Variants in HRG observed in about 807,000 individuals in gnomAD.
HRG encodes the protein histidine-rich glycoprotein.
In HRG, 26 loss-of-function variants were observed where a neutral mutation model predicts 29.5. That is an observed-to-expected ratio of 0.88 (90% CI 0.65 to 1.22). The LOEUF is 1.22. Ranked by LOEUF, HRG falls within the 50% of genes most tolerant of loss-of-function variation. The probability of loss-of-function intolerance (pLI) is 0.00; values close to 1 mark genes in which losing one functional copy is unlikely to be tolerated. For synonymous variants in HRG, 243 were observed against 240.4 expected, an observed-to-expected ratio of 1.01 and a Z score of -0.10; for missense variants, 671 against 654.5, an observed-to-expected ratio of 1.03 and a Z score of -0.28.
At chr3:186,667,604 G>A (rs1579072615) in intron 1 of HRG, among the ~76,000 whole-genome samples, 1 of 152,034 alleles carries the variant, frequency 6.6e-6, no homozygotes, top group East Asian at 1.9e-4. Flanking sequence ...AAGACTGGAT[G>A]GGAGGAGGCT....
chr3:186,668,183 G>A (rs1028212599), intron 1 of HRG, among the ~76,000 whole-genome samples: 3 of 152,188 alleles, frequency 2.0e-5, no homozygotes, highest in African/African-American at 7.2e-5. Context: ...CATAGAGAGC[G>A]GGTGGATGGG....
Position 186,675,183 on chromosome 3 carries a change from A to G in HRG, c.734A>G (p.Asp245Gly), listed in dbSNP as rs780513959. 6.2e-7 allele frequency: 1 copy of G among 1,610,690 alleles called. No homozygotes were observed. Among genetic ancestry groups the G allele is most frequent in the East Asian group, 2.2e-5 (1 of 44,844 alleles). Reference sequence around the variant, plus strand: ...CTTGTCATAAACTGTGAAGTCTTCGACCCTCAGGTGGGTTGTCTAAGCAGA... The same window carrying G: ...CTTGTCATAAACTGTGAAGTCTTCGGCCCTCAGGTGGGTTGTCTAAGCAGA... ...KNLVINCEVF[D>G]PQEHENINGV... is the part of the protein sequence containing the mutation. Residue 245 changes from aspartate to glycine, a missense_variant, in exon 6 of 7, where the codon GAC becomes GGC. Transcript: ENST00000232003.
chr3:186,666,153 G>A lies in HRG; in HGVS notation c.122G>A (p.Arg41Lys). Residue 41 changes from arginine to lysine, a missense_variant, in exon 1 of 7, where the codon AGG (arginine) becomes AAG (lysine). Transcript: ENST00000232003. ...AEKALDLINK[R>K]RRDGYLFQLL... ...AAAGCTCTAGACCTGATCAATAAAA[G>A]GCGACGGGATGGCTACCTTTTCCAA... is the stretch of plus-strand genomic sequence containing the variant. 1 of 1,614,200 alleles carries A rather than the reference G, an allele frequency of 6.2e-7. No individual in the cohort carries two copies. Among genetic ancestry groups the A allele is most frequent in the South Asian group, 1.1e-5 (1 of 91,084 alleles).
intron 2 of HRG, 81 bp from the exon 3 acceptor site, chr3:186,669,857 A>G: frequency 1.3e-6 from 1 of 786,042 alleles, no homozygotes; most frequent in Admixed American, 1.7e-5. Context: ...ATGTTGCATC[A>G]CCTTTTTGCT....
At chr3:186,674,685 T>C (rs1718911972) in intron 5 of HRG, 1 of 337,238 alleles carries the variant, frequency 3.0e-6, no homozygotes, top group Non-Finnish European at 5.8e-6. Flanking sequence ...GTCCAACACT[T>C]TCCTCCAAGG....
At position 186,672,814 on chromosome 3, in the gene HRG, G is replaced by A. The variant is rs149629327; in HGVS notation, c.586G>A (p.Val196Met). 2.9e-5 allele frequency: 46 copies of A among 1,612,242 alleles called. No homozygotes were observed. Among genetic ancestry groups the A allele is most frequent in the South Asian group, 1.5e-4 (14 of 91,032 alleles). Residue 196 changes from valine to methionine, a missense_variant, in exon 5 of 7, where the codon GTG becomes ATG. By Grantham distance (21) the Val-to-Met change is conservative. Coordinates refer to ENST00000232003, the MANE Select transcript of HRG (RefSeq NM_000412.5). ...AGGAGGGGAAGGAACTGGTTACTTC[G>A]TGGACTTCTCTGTGCGGAACTGCCC... The part of the protein sequence containing the change: ...VRGGEGTGYF[V>M]DFSVRNCPRH...
At chr3:186,666,256 C>T (rs1560037121) in intron 1 of HRG, 42 bp downstream of exon 1, 1 of 1,597,972 alleles carries the variant, frequency 6.3e-7, no homozygotes, top group Admixed American at 1.7e-5. Context: ...GGAGATTACT[C>T]ACGGGGGCAA....
intron 6 of HRG, among the ~76,000 whole-genome samples, chr3:186,676,631 T>A (rs1206533885): frequency 6.6e-6 from 1 of 150,774 alleles, no homozygotes; most frequent in African/African-American, 2.4e-5. Flanking sequence ...GGCAACAGAG[T>A]AAGACTATGT....
chr3:186,675,195 G>A lies in HRG; in HGVS notation c.741+5G>A, dbSNP rs189693375. ...TGTGAAGTCTTCGACCCTCAGGTGG[G>A]TTGTCTAAGCAGACTTTGTCATGGC... On this transcript the variant is annotated splice_donor_5th_base_variant and intron_variant, in intron 6 of 6. Transcript: ENST00000232003. The A allele has an allele frequency of 2.5e-6, 4 of 1,600,750 alleles. No homozygotes were observed. The highest frequency in any genetic ancestry group is 2.2e-5 in the East Asian group (1 of 44,792).
chr3:186,670,735 T>A (rs981906093), intron 3 of HRG, among the ~76,000 whole-genome samples: 1 of 152,176 alleles, frequency 6.6e-6, no homozygotes, highest in East Asian at 1.9e-4. Flanking sequence ...TTAGTAGAGA[T>A]GGAGTTTCTC....
chr3:186,677,064 T>C lies in HRG; in HGVS notation c.759T>C (p.Asn253=). ...TTTTCCAGGAACATGAGAACATCAA[T>C]GGTGTACCGCCTCATTTGGGACATC... ...VFDPQEHENI[N]GVPPHLGHPF... The change falls in exon 7 of 7, where the codon AAT becomes AAC. Residue 253 remains asparagine (N), a synonymous_variant. Transcript: ENST00000232003. 1 of 1,614,090 alleles carries C rather than the reference T, an allele frequency of 6.2e-7. No homozygotes were observed. The highest frequency in any genetic ancestry group is 1.6e-4 in the Middle Eastern group (1 of 6,062).
At chr3:186,676,687 C>T (rs944888531) in intron 6 of HRG, among the ~76,000 whole-genome samples, 2 of 151,678 alleles carry the variant, frequency 1.3e-5, no homozygotes, top group Non-Finnish European at 1.5e-5. Flanking sequence ...GTGGCTTGGG[C>T]GTGTAGTCCC....
intron 1 of HRG, chr3:186,668,638 A>C: frequency 2.6e-6 from 1 of 384,852 alleles, no homozygotes; most frequent in Non-Finnish European, 4.9e-6. Context: ...CATGACTTAT[A>C]CTTCCAGGCA....
intron 5 of HRG, 190 bp downstream of exon 5, chr3:186,673,057 T>C: frequency 3.1e-6 from 2 of 653,402 alleles, no homozygotes; most frequent in Non-Finnish European, 5.5e-6. Context: ...AAGCACTTAG[T>C]ACCTGCCAGG....
chr3:186,667,204 G>C (rs188324894), intron 1 of HRG: 1 of 152,150 alleles, frequency 6.6e-6, no homozygotes, highest in Non-Finnish European at 1.5e-5. Flanking sequence ...TTTGGAATGC[G>C]GATCTGAGGA....
intron 6 of HRG, 116 bp downstream of exon 6, chr3:186,675,306 T>TGAGA (rs1271203185): frequency 1.2e-4 from 58 of 465,148 alleles, no homozygotes; most frequent in African/African-American, 3.2e-4. Context: ...TGTGTGTGTG[T>TGAGA]GTGAGAGAGA....
At chr3:186,673,251 GCA>G (rs1718864400) in intron 5 of HRG, 1 of 322,414 alleles carries the variant, frequency 3.1e-6, no homozygotes, top group East Asian at 7.8e-5. Flanking sequence ...TTACAGGCAT[GCA>G]CCACCACGCC....
chr3:186,675,394 G>T (rs574485843), intron 6 of HRG, among the ~76,000 whole-genome samples: 5 of 151,024 alleles, frequency 3.3e-5, no homozygotes, highest in Non-Finnish European at 7.4e-5. Context: ...AGACAGACAT[G>T]CAAGAAAAAA....
intron 6 of HRG, 145 bp from the exon 7 acceptor site, chr3:186,676,899 TAAC>T: frequency 1.2e-6 from 1 of 832,752 alleles, no homozygotes; most frequent in Non-Finnish European, 1.9e-6. Flanking sequence ...CTGGGCTAGA[TAAC>T]AATTTGAGAA....
Sources: gnomAD v4.1 joint callset for allele counts (sites outside exome capture counted in the v4.1 genomes callset) on GRCh38, gnomAD v4.1.1 for gene constraint, MANE v1.5 for transcripts, NCBI Gene and HGNC (gene_info 2026-07-23, HGNC 2026-07-21) for gene names.